Variants in ANPEP observed in about 807,000 individuals in gnomAD.
ANPEP encodes the protein alanyl aminopeptidase, membrane.
In ANPEP, 70 loss-of-function variants were observed where a neutral mutation model predicts 114.6. The ratio of observed to expected loss-of-function variants is 0.61; its 90% CI spans 0.50 to 0.75. The LOEUF is 0.75. ANPEP is among the 30% of genes least tolerant of loss of function. The pLI, the probability that ANPEP is intolerant of heterozygous loss-of-function variation, is 0.00. For missense variants in ANPEP, 1,184 were observed against 1,259.5 expected (o/e 0.94, Z 0.91); for synonymous variants, 548 against 522.3 (o/e 1.05, Z -0.67).
At chr15:89,813,405 C>T (rs1479341066) in intron 1 of ANPEP, among the ~76,000 whole-genome samples, 1 of 152,230 alleles carries the variant, frequency 6.6e-6, no homozygotes, top group African/African-American at 2.4e-5. Context: ...CCCCAGAAGG[C>T]TCTGGGGGAA....
chr15:89,795,839 T>C (rs1968717107), intron 15 of ANPEP, among the ~76,000 whole-genome samples: 1 of 152,068 alleles, frequency 6.6e-6, no homozygotes. Context: ...GGAAACACAG[T>C]AGAGGGAGGC....
At chr15:89,800,804 C>T (rs1055782003) in intron 12 of ANPEP, among the ~76,000 whole-genome samples, 7 of 152,134 alleles carry the variant, frequency 4.6e-5, no homozygotes, top group African/African-American at 1.2e-4. Context: ...CAGGTCGCCT[C>T]GGCCTCCCAA....
chr15:89,801,320 G>A, intron 11 of ANPEP, 115 bp downstream of exon 11: 1 of 1,541,512 alleles, frequency 6.5e-7, no homozygotes, highest in South Asian at 1.2e-5. Context: ...TGGAGGGAGG[G>A]TCTGTCTACA....
In ANPEP at chr15:89,791,163, A is replaced by G. The variant is rs1049246877; in HGVS notation, c.2529-70T>C. 45 of 1,550,934 alleles carry G rather than the reference A, an allele frequency of 2.9e-5. 1 individual carries two copies. The highest frequency in any genetic ancestry group is 1.7e-4 in the Admixed American group (10 of 57,204). ...CTCAGGAGAGAACTTGGACTGTCCC[A>G]CGCACATCACCTATGCCTGCATCCT... On this transcript the variant is annotated intron_variant, in intron 18 of 20. Transcript: ENST00000300060.
chr15:89,793,142 T>A lies in ANPEP; in HGVS notation c.2158-16A>T. ...TCAGGTAGTTCTGGGGAAAAGAAAA[T>A]ATGAATCTCATCAAAGACTCATGCC... On this transcript the variant is annotated splice_polypyrimidine_tract_variant and intron_variant, in intron 15 of 20. Transcript: ENST00000300060. 1 of 1,606,374 alleles carries A rather than the reference T, an allele frequency of 6.2e-7. No homozygotes were observed. Among genetic ancestry groups the A allele is most frequent in the Non-Finnish European group, 8.5e-7 (1 of 1,173,360 alleles).
Position 89,799,243 on chromosome 15 carries a change from G to A in ANPEP, c.2009+17C>T. ...GTCACGAGCTTCTGCAGCTGAGCCAGGCAGCGGAGCACTCACCTGGCCAGG... is the reference window on the plus strand; with the variant it reads ...GTCACGAGCTTCTGCAGCTGAGCCAAGCAGCGGAGCACTCACCTGGCCAGG... On this transcript the variant is annotated intron_variant, in intron 14 of 20. Transcript: ENST00000300060. This position sits in a 1 kb window ranked among gnomAD's most constrained non-coding sequence, Gnocchi z 4.2. 6.2e-7 allele frequency: 1 copy of A among 1,614,134 alleles called. No individual in the cohort carries two copies. Among genetic ancestry groups the A allele is most frequent in the South Asian group, 1.1e-5 (1 of 91,080 alleles).
intron 18 of ANPEP, among the ~76,000 whole-genome samples, chr15:89,791,713 A>G (rs1968631615): frequency 6.6e-6 from 1 of 151,236 alleles, no homozygotes; most frequent in Non-Finnish European, 1.5e-5. Context: ...TCAGTCTTCC[A>G]AAGTGCTGGG....
In ANPEP at chr15:89,792,302, C is replaced by G. The variant is rs369616479; in HGVS notation, c.2386G>C (p.Val796Leu). ...NPIHPNLRST[V>L]YCNAIAQGGE... ...CCCTGGGCGATAGCGTTGCAGTAGACGGTGGACCGCAGGTTGGGGTGGATC... is the reference window on the plus strand; with the variant it reads ...CCCTGGGCGATAGCGTTGCAGTAGAGGGTGGACCGCAGGTTGGGGTGGATC... Residue 796 changes from valine (V) to leucine (L), a missense_variant, in exon 18 of 21, where the codon GTC becomes CTC. Physicochemically the swap from Val to Leu is conservative, Grantham distance 32. Transcript: ENST00000300060. 6.2e-7 allele frequency: 1 copy of G among 1,614,184 alleles called. No homozygotes were observed. The highest frequency in any genetic ancestry group is 8.5e-7 in the Non-Finnish European group (1 of 1,180,010).
rs962822463 is a variant in ANPEP, at chr15:89,801,686, C to T, written c.1570-79G>A. On this transcript the variant is annotated intron_variant, in intron 10 of 20. Transcript: ENST00000300060. Reference sequence around the variant, plus strand: ...ATCCAGGGCATCTCCTGCAGATTCTCGCCTCGACCCCGGGGGGCCACTTGT... The same window carrying T: ...ATCCAGGGCATCTCCTGCAGATTCTTGCCTCGACCCCGGGGGGCCACTTGT... 43 of 1,524,036 alleles carry T rather than the reference C, an allele frequency of 2.8e-5. No homozygotes were observed. The South Asian group carries it at 4.2e-4, about 15-fold the overall frequency. The allele number at this position is 1,524,036 out of a possible 1,614,324, so 94.4% of individuals were successfully genotyped here. A position where few individuals can be genotyped will look rare whatever the true frequency, so the allele number is the denominator to read the frequency against.
In ANPEP at chr15:89,785,302, CAT is replaced by C. The variant is rs1463017854; in HGVS notation, c.*45_*46del. Reference sequence around the variant, plus strand: ...CCTGCACCAGCCGCTGGGATGGACACATGTGGGCACCTTGCATGGGGGCCGGG... The same window carrying C: ...CCTGCACCAGCCGCTGGGATGGACACGTGGGCACCTTGCATGGGGGCCGGG... On this transcript the variant is annotated 3_prime_UTR_variant, in exon 21 of 21. Coordinates refer to ENST00000300060, the MANE Select transcript of ANPEP (RefSeq NM_001150.3). 9.9e-6 allele frequency: 16 copies of C among 1,611,706 alleles called. No individual in the cohort carries two copies. The highest frequency in any genetic ancestry group is 3.3e-5 in the South Asian group (3 of 90,892).
At chr15:89,805,604 C>T (rs978928621) in intron 2 of ANPEP, 141 bp from the exon 3 acceptor site, 14 of 1,261,798 alleles carry the variant, frequency 1.1e-5, no homozygotes, top group African/African-American at 1.5e-5. Context: ...ACCCCCGCCT[C>T]GCCGGGAGCC....
intron 1 of ANPEP, among the ~76,000 whole-genome samples, chr15:89,813,413 G>A (rs934128526): frequency 1.3e-5 from 2 of 152,232 alleles, no homozygotes; most frequent in Non-Finnish European, 2.9e-5. Flanking sequence ...GGCTCTGGGG[G>A]AAGCACAGGG....
rs1400903304 is a variant in ANPEP at position 89,805,352 on chromosome 15, G to A, written c.726C>T (p.Asp242=). Residue 242 remains aspartate (D), a synonymous_variant, in exon 3 of 21, where the codon GAC becomes GAT. Coordinates refer to ENST00000300060, the MANE Select transcript of ANPEP (RefSeq NM_001150.3). ...GAAGCATGTTGGACAGGGCTGTCAG[G>A]TCCTTGGGGTGGATAAGCGTGATGT... ...EFNITLIHPK[D]LTALSNMLPK... is the part of the protein sequence containing the mutation. The A allele has an allele frequency of 6.2e-7, 1 of 1,614,046 alleles. No individual in the cohort carries two copies. The highest frequency in any genetic ancestry group is 1.3e-5 in the African/African-American group (1 of 74,950).
intron 10 of ANPEP, 66 bp from the exon 11 acceptor site, chr15:89,801,673 T>A: frequency 6.4e-7 from 1 of 1,563,952 alleles, no homozygotes; most frequent in South Asian, 1.2e-5. Context: ...CCAGGGCATC[T>A]CCTGCAGATT....
intron 16 of ANPEP, 25 bp downstream of exon 16, chr15:89,793,010 C>T (rs1199476159): frequency 6.2e-7 from 1 of 1,604,962 alleles, no homozygotes; most frequent in Admixed American, 1.7e-5. Flanking sequence ...CCAGGACTTC[C>T]AAACCCATGA....
In ANPEP at chr15:89,807,716, G is replaced by A. The variant is rs536449982; in HGVS notation, c.-223-910C>T. ...ACTCAAAAGAAAAAAGAAAAAAATC[G>A]TTCCCTTCTTTCTTACCCAAAGCTC... On this transcript the variant is annotated intron_variant, in intron 1 of 20. Coordinates refer to ENST00000300060, the MANE Select transcript of ANPEP (RefSeq NM_001150.3). Among the ~76,000 whole-genome samples the A allele has an allele frequency of 2.6e-5, 4 of 152,108 alleles. No individual in the cohort carries two copies. The East Asian group carries it at 5.8e-4, about 22-fold the overall frequency.
In ANPEP at chr15:89,806,631, C is replaced by T. The variant is rs372928964; in HGVS notation, c.-48G>A. 4.1e-4 allele frequency: 625 copies of T among 1,506,564 alleles called. No homozygotes were observed. The highest frequency in any genetic ancestry group is 5.0e-4 in the Non-Finnish European group (562 of 1,125,706). The allele number at this position is 1,506,564 out of a possible 1,614,324, so 93.3% of individuals were successfully genotyped here. A position where few individuals can be genotyped will look rare whatever the true frequency, so the allele number is the denominator to read the frequency against. On this transcript the variant is annotated 5_prime_UTR_variant, in exon 2 of 21. Transcript: ENST00000300060. The surrounding 1 kb of genome is among the most constrained non-coding windows in gnomAD (Gnocchi z 5.7). ...AGGGAGCCTCAGGCCAGGCAGAGAA[C>T]GGAGCAGCCCCAGGCCGGGCTTATA... is the stretch of plus-strand genomic sequence containing the variant.
chr15:89,785,206 G>C lies in ANPEP; in HGVS notation c.*143C>G, dbSNP rs982704478. ...CAGGAACTAGACTGGCTCACAGGCA[G>C]AGAGAACGTGGGCTGGAGACTTTGT... On this transcript the variant is annotated 3_prime_UTR_variant, in exon 21 of 21. Transcript: ENST00000300060. 33 of 1,127,994 alleles carry C rather than the reference G, an allele frequency of 2.9e-5. No homozygotes were observed. Among genetic ancestry groups the C allele is most frequent in the Non-Finnish European group, 3.9e-5 (31 of 788,168 alleles). The allele number at this position is 1,127,994 out of a possible 1,614,324, so 69.9% of individuals were successfully genotyped here.
At position 89,801,345 on chromosome 15, in the gene ANPEP, G is replaced by T. The variant is rs552286262; in HGVS notation, c.1742+90C>A. On this transcript the variant is annotated intron_variant, in intron 11 of 20. Coordinates refer to ENST00000300060, the MANE Select transcript of ANPEP (RefSeq NM_001150.3). ...GTCTGTCTACAGTGGCTGGGGCTGG[G>T]ACCACAGGAGGCCAGTCCTACTATG... The T allele has an allele frequency of 2.6e-6, 4 of 1,562,682 alleles. No homozygotes were observed. The East Asian group carries it at 6.7e-5, about 26-fold the overall frequency.
Sources: gnomAD v4.1 joint callset for allele counts (sites outside exome capture counted in the v4.1 genomes callset) on GRCh38, gnomAD v4.1.1 for gene constraint, Gnocchi (gnomAD v3.1) non-coding constraint, MANE v1.5 for transcripts, NCBI Gene and HGNC (gene_info 2026-07-23, HGNC 2026-07-21) for gene names.